Variants in CDC42BPA observed in about 807,000 individuals in gnomAD.
The protein encoded by CDC42BPA is CDC42 binding protein kinase alpha.
A neutral mutation model predicts 223.5 loss-of-function variants in CDC42BPA; 80 were observed. The ratio of observed to expected loss-of-function variants is 0.36; its 90% CI spans 0.30 to 0.43. CDC42BPA has a LOEUF of 0.43. Ranked by LOEUF, CDC42BPA falls within the 20% of genes least tolerant of loss-of-function variation. The probability of loss-of-function intolerance (pLI) is 1.00; values close to 1 mark genes in which losing one functional copy is unlikely to be tolerated. For synonymous variants in CDC42BPA, 694 were observed against 718.6 expected, an observed-to-expected ratio of 0.97 and a Z score of 0.55; for missense variants, 1,743 against 2,099.9, an observed-to-expected ratio of 0.83 and a Z score of 3.32.
intron 17 of CDC42BPA, among the ~76,000 whole-genome samples, chr1:227,080,267 T>C (rs1680365036): frequency 6.6e-6 from 1 of 152,140 alleles, no homozygotes; most frequent in African/African-American, 2.4e-5. Context: ...CAGTCTTCAT[T>C]AGATTCTACT....
chr1:227,191,504 T>C (rs966535730), intron 5 of CDC42BPA, among the ~76,000 whole-genome samples: 7 of 152,146 alleles, frequency 4.6e-5, no homozygotes, highest in African/African-American at 1.7e-4. Flanking sequence ...TCAGTCCACA[T>C]AACAGTATCT....
intron 9 of CDC42BPA, among the ~76,000 whole-genome samples, chr1:227,140,894 G>C (rs1659543688): frequency 6.6e-6 from 1 of 152,192 alleles, no homozygotes; most frequent in Non-Finnish European, 1.5e-5. Context: ...ACAGAGTTTA[G>C]ATGGAAAAGA....
At chr1:227,000,293 T>A (rs534671297) in intron 35 of CDC42BPA, among the ~76,000 whole-genome samples, 5 of 152,168 alleles carry the variant, frequency 3.3e-5, no homozygotes, top group Non-Finnish European at 5.9e-5. Context: ...AAATATACTC[T>A]TTACTTTTTT....
rs534016440 is a variant in CDC42BPA at position 227,185,946 on chromosome 1, GA to G, written c.599+7839del. ...CAAAAAGTAAAAACCTGAACAAACT[GA>G]AAAATCAACAACTCTTCTTAGATAT... On this transcript the variant is annotated intron_variant, in intron 5 of 36. Coordinates refer to ENST00000366766, the MANE Select transcript of CDC42BPA (RefSeq NM_001394014.1). 9.2e-5 allele frequency among the ~76,000 whole-genome samples: 14 copies of G among 152,268 alleles called. No homozygotes were observed. The South Asian group carries it at 1.9e-3, about 20-fold the overall frequency.
intron 15 of CDC42BPA, among the ~76,000 whole-genome samples, chr1:227,100,348 C>T (rs12407061): frequency 0.096 from 14,682 of 152,150 alleles, 874 homozygotes; most frequent in Middle Eastern, 0.16. Context: ...ATCATGTCAC[C>T]TTTCTTCAAT....
chr1:227,168,030 T>G (rs2313598), intron 5 of CDC42BPA, among the ~76,000 whole-genome samples: 103,888 of 151,718 alleles, frequency 0.68, 35,768 homozygotes, highest in South Asian at 0.73. Context: ...GTTCAAGCAA[T>G]GCTCCTGCCC....
At chr1:227,105,624 G>T (rs763851602) in intron 14 of CDC42BPA, among the ~76,000 whole-genome samples, 5 of 151,908 alleles carry the variant, frequency 3.3e-5, no homozygotes, top group Non-Finnish European at 5.9e-5. Flanking sequence ...AAAGTGCTGG[G>T]ATTACAGTCA....
intron 11 of CDC42BPA, among the ~76,000 whole-genome samples, chr1:227,124,654 C>A (rs1689227882): frequency 6.6e-6 from 1 of 151,938 alleles, no homozygotes; most frequent in Admixed American, 6.6e-5. Context: ...GCTGGAATCA[C>A]TGGGCAAGGA....
intron 1 of CDC42BPA, among the ~76,000 whole-genome samples, chr1:227,312,419 T>C (rs1693688272): frequency 6.6e-6 from 1 of 152,232 alleles, no homozygotes; most frequent in Non-Finnish European, 1.5e-5. Flanking sequence ...TTCATAAAAT[T>C]TCCAACATAC....
At chr1:227,126,437 G>A (rs1427747344) in intron 11 of CDC42BPA, among the ~76,000 whole-genome samples, 1 of 145,628 alleles carries the variant, frequency 6.9e-6, no homozygotes, top group Non-Finnish European at 1.5e-5. Flanking sequence ...CACCAGCTAC[G>A]TTGACAGAGA....
At chr1:227,087,479 C>G (rs903110206) in intron 16 of CDC42BPA, among the ~76,000 whole-genome samples, 2 of 152,214 alleles carry the variant, frequency 1.3e-5, no homozygotes, top group African/African-American at 2.4e-5. Flanking sequence ...CCTCCGACTT[C>G]TAACTTTACT....
chr1:227,117,607 T>C (rs549678385), intron 12 of CDC42BPA, among the ~76,000 whole-genome samples: 3 of 152,280 alleles, frequency 2.0e-5, no homozygotes, highest in South Asian at 4.1e-4. Flanking sequence ...TAAGTCACCA[T>C]GCCCAGCTGA....
intron 10 of CDC42BPA, among the ~76,000 whole-genome samples, chr1:227,134,878 G>A (rs1658171955): frequency 6.6e-6 from 1 of 152,258 alleles, no homozygotes; most frequent in South Asian, 2.1e-4. Flanking sequence ...ATAAGGGGAT[G>A]GACTAGGAAG....
chr1:227,276,247 G>A (rs572748843), intron 1 of CDC42BPA, among the ~76,000 whole-genome samples: 17 of 150,080 alleles, frequency 1.1e-4, no homozygotes, highest in African/African-American at 1.7e-4. Flanking sequence ...GCCTCTGCCC[G>A]GCCGCGACCC....
chr1:227,036,675 C>T (rs757643434), intron 24 of CDC42BPA, among the ~76,000 whole-genome samples: 3 of 151,942 alleles, frequency 2.0e-5, no homozygotes, highest in East Asian at 1.9e-4. Context: ...GTGATCCGCC[C>T]GCCTGGGCCT....
chr1:227,103,560 C>A (rs1685406844), intron 14 of CDC42BPA, among the ~76,000 whole-genome samples: 1 of 151,998 alleles, frequency 6.6e-6, no homozygotes, highest in Non-Finnish European at 1.5e-5. Flanking sequence ...TAAGAATAAA[C>A]TGGTAAAAAT....
intron 10 of CDC42BPA, 54 bp from the exon 11 acceptor site, chr1:227,129,285 A>T (rs1175162609): frequency 1.8e-5 from 22 of 1,248,324 alleles, no homozygotes; most frequent in Non-Finnish European, 2.3e-5. Context: ...TAAATTCTTA[A>T]AACTAATAAC....
intron 15 of CDC42BPA, among the ~76,000 whole-genome samples, chr1:227,099,229 C>T (rs1168762112): frequency 6.6e-6 from 1 of 151,702 alleles, no homozygotes; most frequent in Non-Finnish European, 1.5e-5. Flanking sequence ...TTAGAGTATA[C>T]AGCTTCTACT....
At chr1:227,177,154 A>G (rs1667111734) in intron 5 of CDC42BPA, among the ~76,000 whole-genome samples, 1 of 151,232 alleles carries the variant, frequency 6.6e-6, no homozygotes, top group Non-Finnish European at 1.5e-5. Flanking sequence ...TATATACAGT[A>G]TTTCATATAC....
Sources: gnomAD v4.1 joint callset for allele counts (sites outside exome capture counted in the v4.1 genomes callset) on GRCh38, gnomAD v4.1.1 for gene constraint, MANE v1.5 for transcripts, NCBI Gene and HGNC (gene_info 2026-07-23, HGNC 2026-07-21) for gene names.